The following ANKIB1 variants were observed in gnomAD, a reference collection of about 807,000 sequenced individuals.
ANKIB1 encodes the protein ankyrin repeat and IBR domain containing 1.
ANKIB1 carries 43 observed loss-of-function variants against 122.1 expected under a neutral mutation model. The observed-to-expected ratio is 0.35, with a 90% CI of 0.28 to 0.45. The LOEUF is 0.45. Among genes scored for constraint, ANKIB1 ranks in the 20% least tolerant of loss-of-function variants. The probability of loss-of-function intolerance (pLI) is 1.00; values close to 1 mark genes in which losing one functional copy is unlikely to be tolerated. For missense variants in ANKIB1, 992 were observed against 1,329.5 expected, an observed-to-expected ratio of 0.75 and a Z score of 3.95; for synonymous variants, 390 against 442.0, an observed-to-expected ratio of 0.88 and a Z score of 1.48.
chr7:92,307,786 G>C, intron 3 of ANKIB1, 130 bp downstream of exon 3: 8 of 362,738 alleles, frequency 2.2e-5, no homozygotes, highest in East Asian at 6.1e-5. Context: ...TCTTCTAAAA[G>C]ACCCTTTTAA....
intron 11 of ANKIB1, among the ~76,000 whole-genome samples, chr7:92,384,430 C>T (rs752272260): frequency 6.6e-6 from 1 of 152,188 alleles, no homozygotes; most frequent in African/African-American, 2.4e-5. Flanking sequence ...ATTGCCAAGA[C>T]AATCCTAAGC....
intron 18 of ANKIB1, among the ~76,000 whole-genome samples, chr7:92,396,924 T>G (rs1434054990): frequency 6.6e-6 from 1 of 152,148 alleles, no homozygotes; most frequent in Non-Finnish European, 1.5e-5. Flanking sequence ...TAGACATTAT[T>G]TAAAAGAGAG....
intron 2 of ANKIB1, among the ~76,000 whole-genome samples, chr7:92,305,364 C>G (rs2131932688): frequency 6.6e-6 from 1 of 152,266 alleles, no homozygotes; most frequent in Non-Finnish European, 1.5e-5. Context: ...TGTCACTGAT[C>G]TAGGTCATGA....
intron 5 of ANKIB1, among the ~76,000 whole-genome samples, chr7:92,329,809 A>G (rs1413988742): frequency 2.6e-5 from 4 of 152,070 alleles, no homozygotes; most frequent in Non-Finnish European, 5.9e-5. Context: ...AGCTCTTTCA[A>G]TTCCACTGCC....
At chr7:92,250,294 G>A (rs975424504) in intron 1 of ANKIB1, among the ~76,000 whole-genome samples, 3 of 152,204 alleles carry the variant, frequency 2.0e-5, no homozygotes, top group East Asian at 1.9e-4. Flanking sequence ...TCGGGAGGCT[G>A]AGGCAGGAGA....
intron 5 of ANKIB1, among the ~76,000 whole-genome samples, chr7:92,331,951 CA>C (rs1436271469): frequency 6.6e-6 from 1 of 152,148 alleles, no homozygotes; most frequent in Non-Finnish European, 1.5e-5. Flanking sequence ...TTAAAAGAAA[CA>C]TTTTTATCCC....
chr7:92,300,646 C>A (rs1051450122), intron 2 of ANKIB1, among the ~76,000 whole-genome samples: 1 of 151,840 alleles, frequency 6.6e-6, no homozygotes, highest in Non-Finnish European at 1.5e-5. Flanking sequence ...ACATTGTGAA[C>A]TGATTATGAC....
rs1342810895 is a variant in ANKIB1 at position 92,362,274 on chromosome 7, G to A, written c.1486+1G>A. ...ATAACCGAAATGAAACCAGAAGAAC[G>A]TAAGAGGAATTTTAGATAGCTTTGC... On this transcript the variant is annotated splice_donor_variant, in intron 10 of 19. Transcript: ENST00000265742. LOFTEE classifies it high-confidence loss of function. The A allele has an allele frequency of 1.9e-6, 3 of 1,581,434 alleles. No individual in the cohort carries two copies. Among genetic ancestry groups the A allele is most frequent in the South Asian group, 1.2e-5 (1 of 86,046 alleles).
intron 3 of ANKIB1, among the ~76,000 whole-genome samples, chr7:92,313,758 C>G (rs1234835446): frequency 6.6e-6 from 1 of 152,096 alleles, no homozygotes; most frequent in East Asian, 1.9e-4. Flanking sequence ...GCCAACCAGA[C>G]CTTCACATTC....
chr7:92,361,866 A>G (rs1024453528), intron 9 of ANKIB1, among the ~76,000 whole-genome samples: 3 of 151,652 alleles, frequency 2.0e-5, no homozygotes, highest in Non-Finnish European at 4.4e-5. Flanking sequence ...CTGGAGTGCA[A>G]TGGTGCAATC....
At chr7:92,278,254 A>G (rs559609650) in intron 1 of ANKIB1, among the ~76,000 whole-genome samples, 21 of 152,246 alleles carry the variant, frequency 1.4e-4, no homozygotes, top group Admixed American at 3.3e-4. Context: ...CTGTCTCAAA[A>G]TAAATAAATA....
intron 11 of ANKIB1, among the ~76,000 whole-genome samples, chr7:92,385,745 G>T (rs1020024001): frequency 1.3e-5 from 2 of 152,158 alleles, no homozygotes; most frequent in Admixed American, 6.5e-5. Flanking sequence ...GTGGGAGGAT[G>T]GGGGAAGGAT....
chr7:92,391,075 T>A lies in ANKIB1; in HGVS notation c.2053-91T>A, dbSNP rs546841073. ...AACTAGTTTCTTACTTCAAAAGAGT[T>A]AGATTTAACTGAGAAACCACATAGA... On this transcript the variant is annotated intron_variant, in intron 15 of 19. Coordinates refer to ENST00000265742, the MANE Select transcript of ANKIB1 (RefSeq NM_019004.2). The A allele has an allele frequency of 3.1e-5, 34 of 1,092,418 alleles. No individual in the cohort carries two copies. In the South Asian group the frequency reaches 8.3e-4, roughly 27 times the overall value. 67.7% of individuals were successfully genotyped at this position (1,092,418 alleles called of 1,614,324 possible). A position where few individuals can be genotyped will look rare whatever the true frequency, so the allele number is the denominator to read the frequency against.
intron 6 of ANKIB1, among the ~76,000 whole-genome samples, chr7:92,343,906 T>G (rs1803483077): frequency 6.6e-6 from 1 of 152,160 alleles, no homozygotes; most frequent in Non-Finnish European, 1.5e-5. Context: ...ATTGTCAGCA[T>G]TTTTAACTGG....
In ANKIB1 at chr7:92,400,209, T is replaced by G. The variant is rs1339021478; in HGVS notation, c.*1260T>G. ...TGCCTAACTAGCAAATGCTGACATG[T>G]GTTTGTTCTACTGCGCAATACTCAT... is the stretch of plus-strand genomic sequence containing the variant. On this transcript the variant is annotated 3_prime_UTR_variant, in exon 20 of 20. Transcript: ENST00000265742. 1 of 152,210 alleles carries G rather than the reference T, an allele frequency of 6.6e-6. No homozygotes were observed. The highest frequency in any genetic ancestry group is 1.5e-5 in the Non-Finnish European group (1 of 68,042). The allele number at this position is 152,210 out of a possible 1,614,324, so 9.4% of individuals were successfully genotyped here. A position where few individuals can be genotyped will look rare whatever the true frequency, so the allele number is the denominator to read the frequency against.
chr7:92,260,236 C>G (rs1034441596), intron 1 of ANKIB1, among the ~76,000 whole-genome samples: 1 of 152,210 alleles, frequency 6.6e-6, no homozygotes, highest in Non-Finnish European at 1.5e-5. Flanking sequence ...CTTCCTTACT[C>G]TCTATGCTAC....
intron 4 of ANKIB1, among the ~76,000 whole-genome samples, chr7:92,327,110 G>A (rs1304922625): frequency 6.6e-6 from 1 of 152,086 alleles, no homozygotes; most frequent in East Asian, 1.9e-4. Flanking sequence ...GCTTAATGGT[G>A]GAATTATAGG....
In ANKIB1 at chr7:92,246,178, C is replaced by T; in HGVS notation, c.-432C>T. The T allele has an allele frequency of 2.8e-6, 1 of 353,392 alleles. No individual in the cohort carries two copies. The highest frequency in any genetic ancestry group is 2.0e-5 in the South Asian group (1 of 50,406). The allele number at this position is 353,392 out of a possible 1,614,324, so 21.9% of individuals were successfully genotyped here. The stretch of plus-strand genomic sequence containing the variant: ...AGGCTGGAACATGAGCCGGGCTTGA[C>T]CGCGAGGCGGAGGCAAGAGCCACCG... On this transcript the variant is annotated 5_prime_UTR_variant, in exon 1 of 20. Transcript: ENST00000265742.
At chr7:92,287,640 C>G (rs978302057) in intron 1 of ANKIB1, among the ~76,000 whole-genome samples, 1 of 151,788 alleles carries the variant, frequency 6.6e-6, no homozygotes, top group Non-Finnish European at 1.5e-5. Flanking sequence ...TGCGTCCATG[C>G]AAATATCATG....
Sources: allele counts gnomAD v4.1 joint callset (sites outside exome capture counted in the v4.1 genomes callset), GRCh38; gene constraint gnomAD v4.1.1; transcripts MANE v1.5; gene names NCBI Gene and HGNC (gene_info 2026-07-23, HGNC 2026-07-21).